ADGRG4: variants seen among roughly 807,000 people sequenced by gnomAD.
The protein encoded by ADGRG4 is adhesion G protein-coupled receptor G4.
A neutral mutation model predicts 126.2 loss-of-function variants in ADGRG4; 122 were observed. The observed-to-expected ratio is 0.97, with a 90% confidence interval of 0.83 to 1.12. The LOEUF (loss-of-function observed/expected upper bound fraction) is 1.12, where lower values mean the gene tolerates loss of function less well. Among genes scored for constraint, ADGRG4 ranks in the 50% most tolerant of loss-of-function variants. The probability of loss-of-function intolerance (pLI) is 0.00; values close to 1 mark genes in which losing one functional copy is unlikely to be tolerated. For missense variants in ADGRG4, 2,481 were observed against 2,251.8 expected (o/e 1.10, Z -2.06); for synonymous variants, 943 against 838.7 (o/e 1.12, Z -2.15).
At chrX:136,340,033 A>G (rs918534904) in intron 5 of ADGRG4, among the ~76,000 whole-genome samples, 2 of 110,831 alleles carry the variant, frequency 1.8e-5, no homozygotes, top group African/African-American at 6.5e-5. Context: ...TCCCTACCAC[A>G]TATAGGGAAA....
At chrX:136,408,926 T>C (rs2075430197) in intron 23 of ADGRG4, among the ~76,000 whole-genome samples, 1 of 111,029 alleles carries the variant, frequency 9.0e-6, no homozygotes, top group African/African-American at 3.3e-5. Flanking sequence ...TGTCTCTGTC[T>C]GTCAGATATG....
chrX:136,384,344 C>A (rs1216410272), intron 15 of ADGRG4, among the ~76,000 whole-genome samples: 1 of 111,550 alleles, frequency 9.0e-6, no homozygotes, highest in Non-Finnish European at 1.9e-5. Context: ...TCAATTTATA[C>A]CCCCTGTTTT....
At chrX:136,404,293 C>A (rs1260755307) in intron 22 of ADGRG4, among the ~76,000 whole-genome samples, 1 of 110,719 alleles carries the variant, frequency 9.0e-6, no homozygotes, top group African/African-American at 3.3e-5. Context: ...TAAAAAGTCC[C>A]CAGTGTCTAC....
rs1305733882 is a variant in ADGRG4, at chrX:136,349,054, A to T, written c.5348A>T (p.Asn1783Ile). 1 of 1,206,581 alleles carries T rather than the reference A, an allele frequency of 8.3e-7. No homozygotes were observed. Among genetic ancestry groups the T allele is most frequent in the Non-Finnish European group, 1.1e-6 (1 of 892,279 alleles). ...SFKSASGPTK[N>I]VKTTTNCFSS... Reference sequence around the variant, plus strand: ...AAGAGTGCTTCTGGACCCACAAAAAATGTTAAAACAACCACCAATTGCTTT... The same window carrying T: ...AAGAGTGCTTCTGGACCCACAAAAATTGTTAAAACAACCACCAATTGCTTT... The change falls in exon 6 of 26, where the codon AAT becomes ATT. Residue 1783 changes from asparagine to isoleucine, a missense_variant. By Grantham distance (149) the Asn-to-Ile change is moderately radical (BLOSUM62 -3). Transcript: ENST00000394143.
At chrX:136,395,519 G>A in intron 19 of ADGRG4, 26 bp downstream of exon 19, 1 of 917,845 alleles carries the variant, frequency 1.1e-6, no homozygotes, top group Non-Finnish European at 1.6e-6. Flanking sequence ...GTCACTCCTC[G>A]ATGGAAGTTT....
intron 1 of ADGRG4, among the ~76,000 whole-genome samples, chrX:136,301,467 T>C (rs1159035047): frequency 8.9e-6 from 1 of 112,137 alleles, no homozygotes; most frequent in Non-Finnish European, 1.9e-5. Context: ...GTTGGAGTTC[T>C]TTGTAGATTC....
intron 4 of ADGRG4, among the ~76,000 whole-genome samples, chrX:136,312,974 G>T (rs1442779750): frequency 4.5e-5 from 5 of 112,353 alleles, no homozygotes. Flanking sequence ...TCCATGTGTA[G>T]CATGCATCAG....
intron 13 of ADGRG4, among the ~76,000 whole-genome samples, chrX:136,370,071 G>T (rs914709569): frequency 9.0e-6 from 1 of 111,620 alleles, no homozygotes; most frequent in African/African-American, 3.3e-5. Context: ...GTAGGAGAAA[G>T]ATTTGAGGAG....
chrX:136,388,397 G>T (rs181932501), intron 16 of ADGRG4, among the ~76,000 whole-genome samples: 11 of 112,420 alleles, frequency 9.8e-5, no homozygotes, highest in African/African-American at 3.6e-4. Context: ...ATGCTGAAGA[G>T]TGTGGACTCA....
intron 7 of ADGRG4, among the ~76,000 whole-genome samples, chrX:136,353,065 T>C (rs1325129701): frequency 9.0e-6 from 1 of 111,664 alleles, no homozygotes; most frequent in Non-Finnish European, 1.9e-5. Context: ...GCTCCACTTT[T>C]ATGATCTTAT....
At chrX:136,369,960 GA>G (rs747648575) in intron 13 of ADGRG4, among the ~76,000 whole-genome samples, 7 of 108,395 alleles carry the variant, frequency 6.5e-5, no homozygotes, top group Non-Finnish European at 9.6e-5. Flanking sequence ...TTGTTTGCAG[GA>G]AAAAAAAAGA....
intron 21 of ADGRG4, among the ~76,000 whole-genome samples, chrX:136,400,762 G>A (rs1011669187): frequency 8.9e-6 from 1 of 112,311 alleles, no homozygotes; most frequent in African/African-American, 3.2e-5. Flanking sequence ...CCTCATGACT[G>A]TGATGATCAC....
intron 4 of ADGRG4, among the ~76,000 whole-genome samples, chrX:136,313,226 C>T (rs1406114963): frequency 1.8e-5 from 2 of 111,926 alleles, no homozygotes; most frequent in Non-Finnish European, 1.9e-5. Flanking sequence ...TTGAGGAGCA[C>T]GCAGACCATT....
chrX:136,376,639 TATTGTATTGTATTGTATTG>T (rs1569331919), intron 15 of ADGRG4, among the ~76,000 whole-genome samples: 12 of 95,998 alleles, frequency 1.3e-4, no homozygotes, highest in Non-Finnish European at 1.9e-4. Context: ...TATTGTATTG[TATTGTATTGTATTGTATTG>T]TATTGTATTG....
At position 136,376,604 on chromosome X, in the gene ADGRG4, C is replaced by T. The variant is rs2075226439; in HGVS notation, c.7776+3540C>T. 3.7e-5 allele frequency among the ~76,000 whole-genome samples: 4 copies of T among 109,421 alleles called. No homozygotes were observed. In the South Asian group the frequency reaches 1.2e-3, roughly 32 times the overall value. On this transcript the variant is annotated intron_variant, in intron 15 of 25. Coordinates refer to ENST00000394143, the MANE Select transcript of ADGRG4 (RefSeq NM_153834.4). ...AGTTTTCCTTGTAGAGATCTTTCAC[C>T]TCCTTGATTAAGTATATTCCTGGGT...
intron 5 of ADGRG4, among the ~76,000 whole-genome samples, chrX:136,343,201 G>A (rs775778420): frequency 9.1e-6 from 1 of 110,004 alleles, no homozygotes; most frequent in African/African-American, 3.3e-5. Context: ...GAGACAGAGG[G>A]AGAGACAGAG....
chrX:136,312,305 G>C (rs1323695633), intron 4 of ADGRG4, among the ~76,000 whole-genome samples: 2 of 112,024 alleles, frequency 1.8e-5, no homozygotes, highest in Non-Finnish European at 3.8e-5. Context: ...TGTAGAGACT[G>C]GCATTTGAGA....
At chrX:136,323,577 A>AACACACACACACACACAC (rs138686053) in intron 5 of ADGRG4, among the ~76,000 whole-genome samples, 185 bp downstream of exon 5, 1 of 94,013 alleles carries the variant, frequency 1.1e-5, no homozygotes, top group African/African-American at 3.9e-5. Flanking sequence ...AGGATAGAAG[A>AACACACACACACACACAC]ACACACACAC....
intron 25 of ADGRG4, 68 bp downstream of exon 25, chrX:136,414,395 A>C: frequency 1.1e-6 from 1 of 913,842 alleles, no homozygotes; most frequent in Non-Finnish European, 1.5e-6. Flanking sequence ...GAGACCACAT[A>C]CTGGGTCTTG....
Sources: allele counts gnomAD v4.1 joint callset (sites outside exome capture counted in the v4.1 genomes callset), GRCh38; gene constraint gnomAD v4.1.1; transcripts MANE v1.5; gene names NCBI Gene and HGNC (gene_info 2026-07-23, HGNC 2026-07-21).